PCDH15: variants seen among roughly 807,000 people sequenced by gnomAD.
The protein encoded by PCDH15 is protocadherin-15.
PCDH15 carries 129 observed loss-of-function variants against 178.5 expected under a neutral mutation model. The observed-to-expected ratio is 0.72, with a 90% CI of 0.63 to 0.84. The LOEUF (loss-of-function observed/expected upper bound fraction) is 0.84, where lower values mean the gene tolerates loss of function less well. Ranked by LOEUF, PCDH15 falls within the 40% of genes least tolerant of loss-of-function variation. The probability of loss-of-function intolerance (pLI) is 0.00; values close to 1 mark genes in which losing one functional copy is unlikely to be tolerated. For synonymous variants in PCDH15, 800 were observed against 732.0 expected (o/e 1.09, Z -1.50); for missense variants, 2,230 against 2,099.9 (o/e 1.06, Z -1.21).
chr10:54,391,182 G>A (rs752698470), intron 3 of PCDH15, among the ~76,000 whole-genome samples: 1 of 152,170 alleles, frequency 6.6e-6, no homozygotes, highest in Non-Finnish European at 1.5e-5. Context: ...GCTACAGTGA[G>A]TAATTGCTGC....
At chr10:54,588,732 C>T (rs1259876729) in intron 2 of PCDH15, among the ~76,000 whole-genome samples, 1 of 152,112 alleles carries the variant, frequency 6.6e-6, no homozygotes, top group Non-Finnish European at 1.5e-5. Context: ...CATGTGACCA[C>T]ACCCAGCTAA....
chr10:55,448,622 A>G (rs1276812513), intron 2 of PCDH15, among the ~76,000 whole-genome samples: 1 of 152,026 alleles, frequency 6.6e-6, no homozygotes, highest in Non-Finnish European at 1.5e-5. Flanking sequence ...AAGGGCAATG[A>G]TTAACTACGG....
intron 8 of PCDH15, among the ~76,000 whole-genome samples, chr10:54,237,198 G>A (rs1273402338): frequency 6.6e-6 from 1 of 152,110 alleles, no homozygotes. Flanking sequence ...AAGGAAGAAT[G>A]ATAATGCACT....
rs1589057394 is a variant in PCDH15 at position 53,807,131 on chromosome 10, C to T, written c.4672-1G>A. 2 of 1,580,034 alleles carry T rather than the reference C, an allele frequency of 1.3e-6. No individual in the cohort carries two copies. Among genetic ancestry groups the T allele is most frequent in the Non-Finnish European group, 1.7e-6 (2 of 1,165,104 alleles). ...ACTTGATCATTCTTTTTCTTGCCCA[C>T]TGATAAAATAAACAAAAATATGTGA... On this transcript the variant is annotated splice_acceptor_variant, in intron 37 of 37. Coordinates refer to ENST00000644397, the MANE Select transcript of PCDH15 (RefSeq NM_001384140.1). LOFTEE classifies it high-confidence loss of function.
intron 14 of PCDH15, among the ~76,000 whole-genome samples, chr10:54,137,527 C>CA (rs2043006598): frequency 6.6e-6 from 1 of 152,114 alleles, no homozygotes; most frequent in Non-Finnish European, 1.5e-5. Flanking sequence ...CCTCAGGAAA[C>CA]AACCTTCAGG....
At chr10:55,505,949 C>T (rs923091406) in intron 2 of PCDH15, among the ~76,000 whole-genome samples, 2 of 151,196 alleles carry the variant, frequency 1.3e-5, no homozygotes, top group African/African-American at 2.4e-5. Flanking sequence ...AGAAAAGAGG[C>T]ATTAAATTAG....
At chr10:55,093,577 G>GC (rs11436879) in intron 2 of PCDH15, among the ~76,000 whole-genome samples, 152,183 of 152,186 alleles carry the variant, frequency 1, 76,090 homozygotes, top group Non-Finnish European at 1. Flanking sequence ...GAATGGTTTT[G>GC]CTAGGTTTTC....
At chr10:55,344,622 G>C (rs1016771336) in intron 2 of PCDH15, among the ~76,000 whole-genome samples, 7 of 152,082 alleles carry the variant, frequency 4.6e-5, no homozygotes, top group African/African-American at 1.7e-4. Flanking sequence ...AGGTGGGAAA[G>C]ACTTGACAGA....
At chr10:54,210,207 TC>T (rs1035998855) in intron 10 of PCDH15, among the ~76,000 whole-genome samples, 1 of 152,110 alleles carries the variant, frequency 6.6e-6, no homozygotes, top group African/African-American at 2.4e-5. Flanking sequence ...TACATTTGCA[TC>T]TTTTTTTTTT....
At position 54,325,963 on chromosome 10, in the gene PCDH15, G is replaced by C. The variant is rs368122922; in HGVS notation, c.705+3633C>G. 9.9e-5 allele frequency among the ~76,000 whole-genome samples: 15 copies of C among 151,974 alleles called. No homozygotes were observed. In the East Asian group the frequency reaches 2.5e-3, roughly 25 times the overall value. ...ACAAGATAAATGTAAAAAAAATGGA[G>C]GTACATTTTAGATATATGGATATCA... On this transcript the variant is annotated intron_variant, in intron 7 of 37. Coordinates refer to ENST00000644397, the MANE Select transcript of PCDH15 (RefSeq NM_001384140.1).
chr10:53,985,892 A>G (rs1023160109), intron 21 of PCDH15, among the ~76,000 whole-genome samples: 2 of 152,110 alleles, frequency 1.3e-5, no homozygotes, highest in African/African-American at 4.8e-5. Context: ...AGTAAACATA[A>G]AAAAAAGATA....
chr10:54,793,895 A>G (rs1951688243), intron 1 of PCDH15, among the ~76,000 whole-genome samples: 1 of 148,858 alleles, frequency 6.7e-6, no homozygotes, highest in South Asian at 2.1e-4. Context: ...GTGAATAAAT[A>G]AAATAAGAAA....
chr10:54,848,512 T>C (rs371044541), intron 3 of PCDH15, among the ~76,000 whole-genome samples: 1 of 152,144 alleles, frequency 6.6e-6, no homozygotes, highest in African/African-American at 2.4e-5. Flanking sequence ...CCAAGTGATA[T>C]GCTGCACTGC....
chr10:55,329,415 G>A (rs180800811), intron 2 of PCDH15, among the ~76,000 whole-genome samples: 1 of 151,588 alleles, frequency 6.6e-6, no homozygotes, highest in Non-Finnish European at 1.5e-5. Flanking sequence ...CACATAAACA[G>A]AAGCTCTTTG....
intron 3 of PCDH15, among the ~76,000 whole-genome samples, chr10:54,471,409 C>T (rs917789543): frequency 6.6e-6 from 1 of 151,984 alleles, no homozygotes; most frequent in Non-Finnish European, 1.5e-5. Flanking sequence ...CTATCCAAAC[C>T]TAAATAAACA....
At chr10:54,480,849 C>T (rs969974616) in intron 3 of PCDH15, among the ~76,000 whole-genome samples, 3 of 151,752 alleles carry the variant, frequency 2.0e-5, no homozygotes, top group Admixed American at 6.6e-5. Flanking sequence ...TTCATAGAAA[C>T]ATTAAAAGTA....
At chr10:55,042,640 A>G (rs1840893259) in intron 2 of PCDH15, among the ~76,000 whole-genome samples, 1 of 152,134 alleles carries the variant, frequency 6.6e-6, no homozygotes, top group Non-Finnish European at 1.5e-5. Context: ...GTTTTGACCC[A>G]AACAAGTCAA....
At chr10:55,025,062 C>A (rs749127494) in intron 2 of PCDH15, among the ~76,000 whole-genome samples, 1 of 152,140 alleles carries the variant, frequency 6.6e-6, no homozygotes, top group Admixed American at 6.5e-5. Flanking sequence ...GGCATACAAC[C>A]TCTCTCCCTG....
At chr10:55,518,564 C>G (rs1450833551) in intron 2 of PCDH15, among the ~76,000 whole-genome samples, 1 of 151,904 alleles carries the variant, frequency 6.6e-6, no homozygotes, top group African/African-American at 2.4e-5. Context: ...TGGGTAACTT[C>G]CAAACTTCAC....
Sources: allele counts gnomAD v4.1 joint callset (sites outside exome capture counted in the v4.1 genomes callset), GRCh38; gene constraint gnomAD v4.1.1; transcripts MANE v1.5; gene names NCBI Gene and HGNC (gene_info 2026-07-23, HGNC 2026-07-21).